The following GNA13 variants were observed in gnomAD, a reference collection of about 807,000 sequenced individuals.
GNA13 encodes the protein guanine nucleotide-binding protein subunit alpha-13.
In GNA13, 4 loss-of-function variants were observed where a neutral mutation model predicts 33.5. The observed-to-expected ratio is 0.12, with a 90% CI of 0.06 to 0.27. The LOEUF is 0.27. Ranked by LOEUF, GNA13 falls within the 10% of genes least tolerant of loss-of-function variation. The pLI is 1.00. For synonymous variants in GNA13, 176 were observed against 183.8 expected (o/e 0.96, Z 0.34); for missense variants, 319 against 487.2 (o/e 0.65, Z 3.25).
chr17:65,056,435 C>A lies in GNA13; in HGVS notation c.159G>T (p.Leu53=). 1 of 1,613,816 alleles carries A rather than the reference C, an allele frequency of 6.2e-7. No homozygotes were observed. The highest frequency in any genetic ancestry group is 8.5e-7 in the Non-Finnish European group (1 of 1,179,896). ...ACTTGCCGCTCTCGCCCGCGCCCAG[C>A]AGCAGGATCTTCACCAGCCGCTTCA... ...TYVKRLVKIL[L]LGAGESGKST... is the part of the protein sequence containing the mutation. Residue 53 remains leucine, a synonymous_variant, in exon 1 of 4, where the codon CTG becomes CTT. Coordinates refer to ENST00000439174, the MANE Select transcript of GNA13 (RefSeq NM_006572.6).
intron 1 of GNA13, 28 bp from the exon 2 acceptor site, chr17:65,053,756 T>C (rs1378091844): frequency 7.4e-7 from 1 of 1,349,842 alleles, no homozygotes; most frequent in South Asian, 1.2e-5. Flanking sequence ...AAAAAAAATG[T>C]ATGGAGAGGA....
rs1409576102 is a variant in GNA13 at position 65,033,065 on chromosome 17, C to T, written c.511-14762G>A. Among the ~76,000 whole-genome samples, 5 of 151,214 alleles carry T rather than the reference C, an allele frequency of 3.3e-5. 1 individual carries two copies. In the South Asian group the frequency reaches 8.4e-4, roughly 25 times the overall value. On this transcript the variant is annotated intron_variant, in intron 2 of 3. Coordinates refer to ENST00000439174, the MANE Select transcript of GNA13 (RefSeq NM_006572.6). ...GGCAGAGGTTGCAGTGAGCCAAGAT[C>T]GTGCCACTGTACTCTAGCCTGGGCA...
chr17:65,031,921 A>AGTGT (rs148637639), intron 2 of GNA13, among the ~76,000 whole-genome samples: 150 of 91,612 alleles, frequency 1.6e-3, no homozygotes, highest in African/African-American at 2.8e-3. Context: ...AGAGAGAGAG[A>AGTGT]GTGTGTGTGT....
chr17:65,037,817 C>T (rs772274399), intron 2 of GNA13, among the ~76,000 whole-genome samples: 18 of 140,332 alleles, frequency 1.3e-4, no homozygotes, highest in African/African-American at 4.7e-4. Context: ...AAGACTCTAC[C>T]GTGAGCCTTC....
At chr17:65,055,199 T>C (rs1190393814) in intron 1 of GNA13, among the ~76,000 whole-genome samples, 1 of 152,192 alleles carries the variant, frequency 6.6e-6, no homozygotes, top group Non-Finnish European at 1.5e-5. Flanking sequence ...GCACCTGAGT[T>C]ACCAGGCGCT....
intron 2 of GNA13, among the ~76,000 whole-genome samples, chr17:65,018,729 C>A (rs1469534700): frequency 6.6e-6 from 1 of 152,010 alleles, no homozygotes; most frequent in Middle Eastern, 3.2e-3. Context: ...AGAGACAAAC[C>A]AAACCAGAGA....
chr17:65,031,149 T>A (rs1307920673), intron 2 of GNA13, among the ~76,000 whole-genome samples: 1 of 152,234 alleles, frequency 6.6e-6, no homozygotes, highest in African/African-American at 2.4e-5. Context: ...ACCTCGGCTA[T>A]ATGGCATGGC....
chr17:65,015,713 A>G (rs1222960771), intron 3 of GNA13, among the ~76,000 whole-genome samples: 3 of 151,330 alleles, frequency 2.0e-5, no homozygotes, highest in Non-Finnish European at 2.9e-5. Flanking sequence ...TCCAGTGCCA[A>G]TTCACAAGGA....
chr17:65,013,769 A>C lies in GNA13; in HGVS notation c.*488T>G, dbSNP rs1029957641. 4.7e-6 allele frequency: 1 copy of C among 212,790 alleles called. No homozygotes were observed. The highest frequency in any genetic ancestry group is 9.5e-6 in the Non-Finnish European group (1 of 105,104). 13.2% of individuals were successfully genotyped at this position (212,790 alleles called of 1,614,324 possible). The stretch of plus-strand genomic sequence containing the variant: ...AAACCTACAGAATGCCATTTCTTAG[A>C]TAGAACTTCTAACAGCCCTTACAAA... On this transcript the variant is annotated 3_prime_UTR_variant, in exon 4 of 4. Transcript: ENST00000439174.
chr17:65,037,173 GAACT>G (rs533185037), intron 2 of GNA13, among the ~76,000 whole-genome samples: 149 of 152,318 alleles, frequency 9.8e-4, no homozygotes, highest in African/African-American at 3.5e-3. Flanking sequence ...ACAATCTTAT[GAACT>G]AATATTTAAT....
At chr17:65,056,251 A>G in intron 1 of GNA13, 60 bp downstream of exon 1, 1 of 740,724 alleles carries the variant, frequency 1.4e-6, no homozygotes, top group Admixed American at 2.4e-5. Context: ...CCCGCCCCGC[A>G]CCCGCCGCCG....
At chr17:65,017,566 G>A (rs1444943433) in intron 3 of GNA13, among the ~76,000 whole-genome samples, 2 of 152,194 alleles carry the variant, frequency 1.3e-5, no homozygotes, top group African/African-American at 2.4e-5. Context: ...TCAAACAAGC[G>A]AGATGCTCTG....
chr17:65,035,527 A>G (rs1241837045), intron 2 of GNA13, among the ~76,000 whole-genome samples: 1 of 152,326 alleles, frequency 6.6e-6, no homozygotes, highest in East Asian at 1.9e-4. Flanking sequence ...ACAATGAACC[A>G]TGTATGTTTT....
At chr17:65,024,231 G>A (rs116940415) in intron 2 of GNA13, among the ~76,000 whole-genome samples, 2,397 of 152,200 alleles carry the variant, frequency 0.016, 26 homozygotes, top group Non-Finnish European at 0.02. Flanking sequence ...CAGCCTGGGC[G>A]ACAGAGCAAG....
At chr17:65,046,986 G>C (rs1907688107) in intron 2 of GNA13, among the ~76,000 whole-genome samples, 1 of 151,990 alleles carries the variant, frequency 6.6e-6, no homozygotes, top group South Asian at 2.1e-4. Context: ...CAACATAATA[G>C]AATACAAGTG....
Position 65,010,275 on chromosome 17 carries a change from T to C in GNA13, c.*3982A>G, listed in dbSNP as rs1906141411. 6.6e-6 allele frequency among the ~76,000 whole-genome samples: 1 copy of C among 152,036 alleles called. No individual in the cohort carries two copies. Among genetic ancestry groups the C allele is most frequent in the South Asian group, 2.1e-4 (1 of 4,818 alleles). ...CTACCAGCCTAAGACTAGTATCTACTTGATGGAACTTGAAAAAGCCATAAA... is the reference window on the plus strand; with the variant it reads ...CTACCAGCCTAAGACTAGTATCTACCTGATGGAACTTGAAAAAGCCATAAA... On this transcript the variant is annotated 3_prime_UTR_variant, in exon 4 of 4. Transcript: ENST00000439174.
In GNA13 at chr17:65,018,138, A is replaced by AAAGAG. The variant is rs1555600538; in HGVS notation, c.561+114_561+115insCTCTT. ...AAAAAAAAAAAAAAAAAAAAAAAAA[A>AAAGAG]AGAGAGAAAGAAGCAAATAGCTTAA... On this transcript the variant is annotated intron_variant, in intron 3 of 3. Transcript: ENST00000439174. 3 of 69,632 alleles carry AAAGAG rather than the reference A, an allele frequency of 4.3e-5. 1 individual carries two copies. The highest frequency in any genetic ancestry group is 5.6e-4 in the South Asian group (2 of 3,598). The allele number at this position is 69,632 out of a possible 1,614,324, so 4.3% of individuals were successfully genotyped here.
intron 2 of GNA13, among the ~76,000 whole-genome samples, chr17:65,034,201 T>C (rs1451023033): frequency 6.6e-6 from 1 of 152,056 alleles, no homozygotes; most frequent in East Asian, 1.9e-4. Context: ...CAATGTTTTC[T>C]AGCATATAAG....
In GNA13 at chr17:65,009,955, C is replaced by T. The variant is rs1362905634; in HGVS notation, c.*4302G>A. Among the ~76,000 whole-genome samples the T allele has an allele frequency of 6.6e-6, 1 of 152,198 alleles. No homozygotes were observed. The highest frequency in any genetic ancestry group is 1.5e-5 in the Non-Finnish European group (1 of 68,028). ...AGTATATGACGTTCAGTGATATTCA[C>T]TGACTGAAATTTTATGCACACTGAG... is the stretch of plus-strand genomic sequence containing the variant. On this transcript the variant is annotated 3_prime_UTR_variant, in exon 4 of 4. Coordinates refer to ENST00000439174, the MANE Select transcript of GNA13 (RefSeq NM_006572.6).
Sources: allele counts gnomAD v4.1 joint callset (sites outside exome capture counted in the v4.1 genomes callset), GRCh38; gene constraint gnomAD v4.1.1; transcripts MANE v1.5; gene names NCBI Gene and HGNC (gene_info 2026-07-23, HGNC 2026-07-21).